Variants in SH3GL2 observed in about 807,000 individuals in gnomAD.
SH3GL2 encodes the protein SH3 domain containing GRB2 like 2, endophilin A1.
A neutral mutation model predicts 46.0 loss-of-function variants in SH3GL2; 24 were observed. That is an observed-to-expected ratio of 0.52 (90% CI 0.38 to 0.73). The LOEUF (loss-of-function observed/expected upper bound fraction) is 0.73, where lower values mean the gene tolerates loss of function less well. SH3GL2 is among the 30% of genes least tolerant of loss of function. The probability of loss-of-function intolerance (pLI) is 0.00; values close to 1 mark genes in which losing one functional copy is unlikely to be tolerated. For synonymous variants in SH3GL2, 196 were observed against 147.1 expected (o/e 1.33, Z -2.40); for missense variants, 413 against 424.2 (o/e 0.97, Z 0.23).
intron 3 of SH3GL2, among the ~76,000 whole-genome samples, chr9:17,767,889 C>G (rs1823361555): frequency 6.6e-6 from 1 of 152,092 alleles, no homozygotes; most frequent in Non-Finnish European, 1.5e-5. Context: ...AATTCATATA[C>G]TAATGTATTG....
At chr9:17,735,992 G>T (rs1049285669) in intron 1 of SH3GL2, among the ~76,000 whole-genome samples, 1 of 152,062 alleles carries the variant, frequency 6.6e-6, no homozygotes, top group Admixed American at 6.6e-5. Context: ...ACAATTTCTC[G>T]TTTGATTCAG....
chr9:17,756,399 A>G (rs912829596), intron 2 of SH3GL2, among the ~76,000 whole-genome samples: 9 of 151,932 alleles, frequency 5.9e-5, no homozygotes, highest in South Asian at 2.1e-4. Context: ...ATATGTATAC[A>G]TGTGCCATGT....
At chr9:17,616,438 C>G (rs998852918) in intron 1 of SH3GL2, among the ~76,000 whole-genome samples, 43 of 152,064 alleles carry the variant, frequency 2.8e-4, no homozygotes, top group African/African-American at 1.0e-3. Flanking sequence ...GAAATCTACC[C>G]AAACTGATCC....
At chr9:17,687,444 T>G (rs956257599) in intron 1 of SH3GL2, among the ~76,000 whole-genome samples, 75 of 113,088 alleles carry the variant, frequency 6.6e-4, no homozygotes, top group African/African-American at 2.5e-3. Flanking sequence ...ACACTGAGAC[T>G]GTTTTTGACT....
chr9:17,668,641 G>A (rs2209433), intron 1 of SH3GL2, among the ~76,000 whole-genome samples: 57,099 of 151,876 alleles, frequency 0.38, 11,795 homozygotes, highest in South Asian at 0.58. Flanking sequence ...CTGTTCTTTT[G>A]TCTCAGAACC....
intron 1 of SH3GL2, among the ~76,000 whole-genome samples, chr9:17,665,995 T>C (rs557801571): frequency 7.3e-5 from 11 of 150,860 alleles, no homozygotes; most frequent in Non-Finnish European, 1.2e-4. Context: ...TATTTGTAAC[T>C]CCACCGCCTA....
chr9:17,645,182 T>A (rs944112961), intron 1 of SH3GL2, among the ~76,000 whole-genome samples: 732 of 72,608 alleles, frequency 0.01, 4 homozygotes, highest in South Asian at 0.018. Context: ...TTTTTTTTTT[T>A]GCTTTCCATT....
intron 2 of SH3GL2, among the ~76,000 whole-genome samples, chr9:17,750,064 C>G (rs545995600): frequency 6.6e-6 from 1 of 152,176 alleles, no homozygotes; most frequent in East Asian, 1.9e-4. Flanking sequence ...TTGTTTCTGT[C>G]TCTATTGCAA....
intron 3 of SH3GL2, among the ~76,000 whole-genome samples, chr9:17,783,777 T>C (rs140183201): frequency 1.3e-5 from 2 of 152,272 alleles, no homozygotes; most frequent in African/African-American, 4.8e-5. Flanking sequence ...GGGAATCACC[T>C]AGAAGTAGAT....
chr9:17,652,104 G>A (rs945590711), intron 1 of SH3GL2, among the ~76,000 whole-genome samples: 2 of 151,692 alleles, frequency 1.3e-5, no homozygotes, highest in Non-Finnish European at 2.9e-5. Context: ...CACATTTCTG[G>A]CTTTATTCTC....
intron 2 of SH3GL2, among the ~76,000 whole-genome samples, chr9:17,757,759 G>C (rs1013727277): frequency 6.6e-6 from 1 of 152,184 alleles, no homozygotes; most frequent in Non-Finnish European, 1.5e-5. Flanking sequence ...TATGGGAATT[G>C]CTAGTTATAA....
intron 1 of SH3GL2, among the ~76,000 whole-genome samples, chr9:17,614,320 A>AAAAC (rs1818938616): frequency 6.6e-6 from 1 of 151,252 alleles, no homozygotes; most frequent in Non-Finnish European, 1.5e-5. Flanking sequence ...AAAAAAAAAA[A>AAAAC]AAATCCTTGC....
chr9:17,687,246 G>A (rs1188608397), intron 1 of SH3GL2, among the ~76,000 whole-genome samples: 1 of 152,014 alleles, frequency 6.6e-6, no homozygotes, highest in Admixed American at 6.6e-5. Context: ...CACTTAAGCA[G>A]TTACGTTTTC....
At chr9:17,697,774 G>C (rs544967359) in intron 1 of SH3GL2, among the ~76,000 whole-genome samples, 1 of 152,296 alleles carries the variant, frequency 6.6e-6, no homozygotes, top group Admixed American at 6.5e-5. Flanking sequence ...TAGTTTTGCA[G>C]AAGCAGAAAA....
At chr9:17,744,130 G>T (rs1021152249) in intron 1 of SH3GL2, among the ~76,000 whole-genome samples, 12 of 152,198 alleles carry the variant, frequency 7.9e-5, no homozygotes, top group African/African-American at 2.9e-4. Context: ...AATTCAGCTA[G>T]ATTAGAGTTT....
chr9:17,584,111 A>T (rs1454733540), intron 1 of SH3GL2, among the ~76,000 whole-genome samples: 7 of 152,154 alleles, frequency 4.6e-5, no homozygotes, highest in Non-Finnish European at 1.0e-4. Flanking sequence ...ATTATAAGTA[A>T]CATTTTATAC....
At chr9:17,581,137 A>G (rs1038893263) in intron 1 of SH3GL2, among the ~76,000 whole-genome samples, 19 of 152,262 alleles carry the variant, frequency 1.2e-4, no homozygotes, top group African/African-American at 4.6e-4. Context: ...AGTATAAAAT[A>G]CTATCCCTTA....
intron 1 of SH3GL2, among the ~76,000 whole-genome samples, chr9:17,745,537 G>T (rs1822658882): frequency 6.6e-6 from 1 of 152,096 alleles, no homozygotes. Context: ...TCTACTGATG[G>T]GATGGAATGG....
intron 1 of SH3GL2, among the ~76,000 whole-genome samples, chr9:17,740,936 A>G (rs967489200): frequency 1.3e-5 from 2 of 152,102 alleles, no homozygotes; most frequent in Admixed American, 6.6e-5. Context: ...TTTTCACGCA[A>G]CTATTAGGTG....
Sources: allele counts gnomAD v4.1 joint callset (sites outside exome capture counted in the v4.1 genomes callset), GRCh38; gene constraint gnomAD v4.1.1; transcripts MANE v1.5; gene names NCBI Gene and HGNC (gene_info 2026-07-23, HGNC 2026-07-21).